The following PIK3R5 variants were observed in gnomAD, a reference collection of about 807,000 sequenced individuals.
The protein encoded by PIK3R5 is phosphoinositide 3-kinase regulatory subunit 5.
Under a neutral mutation model 94.9 loss-of-function variants are expected in PIK3R5, and 32 were observed. The observed-to-expected ratio is 0.34, with a 90% CI of 0.25 to 0.45. The LOEUF (loss-of-function observed/expected upper bound fraction) is 0.45, where lower values mean the gene tolerates loss of function less well. Among genes scored for constraint, PIK3R5 ranks in the 20% least tolerant of loss-of-function variants. The probability of loss-of-function intolerance (pLI) is 1.00; values close to 1 mark genes in which losing one functional copy is unlikely to be tolerated. For synonymous variants in PIK3R5, 443 were observed against 479.4 expected (o/e 0.92, Z 0.99); for missense variants, 853 against 1,144.6 (o/e 0.75, Z 3.68).
intron 1 of PIK3R5, among the ~76,000 whole-genome samples, chr17:8,926,499 A>C (rs1259918661): frequency 6.6e-6 from 1 of 152,226 alleles, no homozygotes; most frequent in Non-Finnish European, 1.5e-5. Flanking sequence ...ACAGTTCCAC[A>C]CGGCTAGGGA....
chr17:8,913,166 TG>T (rs1297083018), intron 1 of PIK3R5, among the ~76,000 whole-genome samples: 2 of 151,934 alleles, frequency 1.3e-5, no homozygotes, highest in Non-Finnish European at 2.9e-5. Context: ...TCCAGGGTGT[TG>T]GGGGGTCAGG....
intron 15 of PIK3R5, among the ~76,000 whole-genome samples, chr17:8,883,826 G>A (rs2089742998): frequency 6.6e-6 from 1 of 152,276 alleles, no homozygotes; most frequent in East Asian, 1.9e-4. Flanking sequence ...TCTGTCCTTT[G>A]TTCACTCTTA....
chr17:8,948,059 A>G (rs1374686067), intron 1 of PIK3R5, among the ~76,000 whole-genome samples: 5 of 150,554 alleles, frequency 3.3e-5, no homozygotes, highest in Non-Finnish European at 5.9e-5. Context: ...AAAAAAAAAA[A>G]AAAAAAAGAA....
At chr17:8,915,730 T>A (rs1483623996) in intron 1 of PIK3R5, 2 of 152,302 alleles carry the variant, frequency 1.3e-5, no homozygotes, top group Admixed American at 1.3e-4. Flanking sequence ...GAGTGAGTCA[T>A]CCTGCTCACT....
intron 4 of PIK3R5, among the ~76,000 whole-genome samples, chr17:8,905,324 CCT>C (rs1230255599): frequency 5.5e-5 from 3 of 54,494 alleles, no homozygotes; most frequent in African/African-American, 3.2e-4. Flanking sequence ...TTGATGCCCC[CCT>C]GTCTGGTGAA....
Position 8,892,349 on chromosome 17 carries a change from C to T in PIK3R5, c.482+1237G>A, listed in dbSNP as rs1192689821. On this transcript the variant is annotated intron_variant, in intron 6 of 18. Coordinates refer to ENST00000447110, the MANE Select transcript of PIK3R5 (RefSeq NM_001142633.3). The surrounding 1 kb of genome is among the most constrained non-coding windows in gnomAD (Gnocchi z 4.3). ...CCTTGTAACGAGCCCAGCCGAGCCC[C>T]TGCCCTCACCAGCTTGCATAATTTC... is the stretch of plus-strand genomic sequence containing the variant. Among the ~76,000 whole-genome samples the T allele has an allele frequency of 1.3e-5, 2 of 152,170 alleles. No individual in the cohort carries two copies. Among genetic ancestry groups the T allele is most frequent in the African/African-American group, 2.4e-5 (1 of 41,432 alleles).
At chr17:8,942,524 G>A (rs537877717) in intron 1 of PIK3R5, among the ~76,000 whole-genome samples, 1 of 152,190 alleles carries the variant, frequency 6.6e-6, no homozygotes, top group East Asian at 1.9e-4. Flanking sequence ...TCTGCAGGAG[G>A]GGGTGAGGTG....
intron 1 of PIK3R5, among the ~76,000 whole-genome samples, chr17:8,934,451 T>C (rs2091038113): frequency 6.6e-6 from 1 of 152,146 alleles, no homozygotes. Context: ...CATTTATGAG[T>C]CAGAAGACTC....
intron 1 of PIK3R5, among the ~76,000 whole-genome samples, chr17:8,929,298 C>G (rs1364872838): frequency 1.3e-5 from 2 of 152,096 alleles, no homozygotes. Flanking sequence ...CAACCATTTG[C>G]TGTCTACAAG....
In PIK3R5 at chr17:8,881,767, C is replaced by G. The variant is rs2089668632; in HGVS notation, c.2299+21G>C. The stretch of plus-strand genomic sequence containing the variant: ...CAGAGCACCTCCCTACTGCACACCC[C>G]ACACTGACCACCCCACTCACCCAGC... On this transcript the variant is annotated intron_variant, in intron 16 of 18. Transcript: ENST00000447110. The surrounding 1 kb of genome is among the most constrained non-coding windows in gnomAD (Gnocchi z 4.8). The G allele has an allele frequency of 3.1e-6, 5 of 1,613,326 alleles. No homozygotes were observed. In the East Asian group the frequency reaches 1.1e-4, roughly 36 times the overall value.
chr17:8,883,692 A>G (rs1023401413), intron 15 of PIK3R5, among the ~76,000 whole-genome samples: 18 of 152,198 alleles, frequency 1.2e-4, no homozygotes, highest in African/African-American at 4.3e-4. Context: ...TCGGTTTGCC[A>G]CTTAGGAACA....
At chr17:8,895,987 C>T (rs1464221957) in intron 5 of PIK3R5, among the ~76,000 whole-genome samples, 1 of 152,166 alleles carries the variant, frequency 6.6e-6, no homozygotes, top group African/African-American at 2.4e-5. Context: ...CCCTGCTTAG[C>T]ATGGGGTGTG....
In PIK3R5 at chr17:8,911,551, C is replaced by A; in HGVS notation, c.-13-44G>T. 1 of 1,279,972 alleles carries A rather than the reference C, an allele frequency of 7.8e-7. No individual in the cohort carries two copies. Among genetic ancestry groups the A allele is most frequent in the East Asian group, 2.3e-5 (1 of 42,602 alleles). The allele number at this position is 1,279,972 out of a possible 1,614,324, so 79.3% of individuals were successfully genotyped here. A position where few individuals can be genotyped will look rare whatever the true frequency, so the allele number is the denominator to read the frequency against. ...CCGGTCAGCTTGTCGAGCTCCTTTC[C>A]CAGAGAGCACCTGGTCCAGTAAAGA... On this transcript the variant is annotated intron_variant, in intron 1 of 18. Coordinates refer to ENST00000447110, the MANE Select transcript of PIK3R5 (RefSeq NM_001142633.3). This position sits in a 1 kb window ranked among gnomAD's most constrained non-coding sequence, Gnocchi z 5.3.
rs1018135143 is a variant in PIK3R5 at position 8,896,930 on chromosome 17, T to C, written c.413-3275A>G. ...ATTGCAATCTCCAAATGAGACTAGA[T>C]CAGGTTTGGTTCTCCAGCAACTATG... On this transcript the variant is annotated intron_variant, in intron 5 of 18. Transcript: ENST00000447110. The surrounding 1 kb of genome is among the most constrained non-coding windows in gnomAD (Gnocchi z 4.0). Among the ~76,000 whole-genome samples the C allele has an allele frequency of 6.6e-6, 1 of 152,270 alleles. No individual in the cohort carries two copies. The highest frequency in any genetic ancestry group is 2.4e-5 in the African/African-American group (1 of 41,548).
chr17:8,960,475 C>T (rs2091543255), intron 1 of PIK3R5, among the ~76,000 whole-genome samples: 1 of 152,260 alleles, frequency 6.6e-6, no homozygotes, highest in Admixed American at 6.5e-5. Flanking sequence ...CATTGCCTGT[C>T]TTGCTCAGTG....
chr17:8,919,003 T>A (rs1023829004), intron 1 of PIK3R5, among the ~76,000 whole-genome samples: 1 of 152,188 alleles, frequency 6.6e-6, no homozygotes, highest in South Asian at 2.1e-4. Flanking sequence ...ACTCACCACA[T>A]AGACATTCAC....
At chr17:8,939,791 G>T (rs189515210) in intron 1 of PIK3R5, among the ~76,000 whole-genome samples, 2 of 152,186 alleles carry the variant, frequency 1.3e-5, no homozygotes, top group African/African-American at 4.8e-5. Flanking sequence ...GAATGGGAAC[G>T]TGGCCCCTCC....
In PIK3R5 at chr17:8,925,315, T is replaced by C. The variant is rs1262905369; in HGVS notation, c.-13-13808A>G. Reference sequence around the variant, plus strand: ...GATAGATAGATAGATAGTAGATGGATAGATAGTAGATGGATAGACAGTAGA... The same window carrying C: ...GATAGATAGATAGATAGTAGATGGACAGATAGTAGATGGATAGACAGTAGA... On this transcript the variant is annotated intron_variant, in intron 1 of 18. Coordinates refer to ENST00000447110, the MANE Select transcript of PIK3R5 (RefSeq NM_001142633.3). The surrounding 1 kb of genome is among the most constrained non-coding windows in gnomAD (Gnocchi z 5.1). 1.3e-5 allele frequency among the ~76,000 whole-genome samples: 2 copies of C among 151,610 alleles called. No individual in the cohort carries two copies. The highest frequency in any genetic ancestry group is 4.2e-4 in the South Asian group (2 of 4,802).
Position 8,904,658 on chromosome 17 carries a change from TG to T in PIK3R5, c.412+118del, listed in dbSNP as rs1359232580. The stretch of plus-strand genomic sequence containing the variant: ...ACTCCATGTTTGTGAACCAAGGCGT[TG>T]GCAGAGATGAATCAAAGGATGCAAG... On this transcript the variant is annotated intron_variant, in intron 5 of 18. Coordinates refer to ENST00000447110, the MANE Select transcript of PIK3R5 (RefSeq NM_001142633.3). The surrounding 1 kb of genome is among the most constrained non-coding windows in gnomAD (Gnocchi z 5.1). 7.3e-6 allele frequency: 7 copies of T among 964,278 alleles called. No homozygotes were observed. The East Asian group carries it at 1.5e-4, about 20-fold the overall frequency. The allele number at this position is 964,278 out of a possible 1,614,324, so 59.7% of individuals were successfully genotyped here.
Sources: allele counts gnomAD v4.1 joint callset (sites outside exome capture counted in the v4.1 genomes callset), GRCh38; gene constraint gnomAD v4.1.1; non-coding constraint Gnocchi (gnomAD v3.1); transcripts MANE v1.5; gene names NCBI Gene and HGNC (gene_info 2026-07-23, HGNC 2026-07-21).